Variants in MGAM2 observed in about 807,000 individuals in gnomAD.
The protein encoded by MGAM2 is probable maltase-glucoamylase 2.
A neutral mutation model predicts 96.1 loss-of-function variants in MGAM2; 98 were observed. The ratio of observed to expected loss-of-function variants is 1.02; its 90% confidence interval spans 0.87 to 1.21. The LOEUF (loss-of-function observed/expected upper bound fraction) is 1.21. Ranked by LOEUF, MGAM2 falls within the 50% of genes most tolerant of loss-of-function variation. The probability of loss-of-function intolerance (pLI) is 0.00; values close to 1 mark genes in which losing one functional copy is unlikely to be tolerated. For synonymous variants in MGAM2, 749 were observed against 414.8 expected, an observed-to-expected ratio of 1.81 and a Z score of -9.79; for missense variants, 2,055 against 1,182.4, an observed-to-expected ratio of 1.74 and a Z score of -10.82.
chr7:142,208,952 T>G (rs1416466211), intron 46 of MGAM2, among the ~76,000 whole-genome samples: 1 of 152,222 alleles, frequency 6.6e-6, no homozygotes, highest in African/African-American at 2.4e-5. Flanking sequence ...AGCTACTTAT[T>G]ATGCAATAAT....
chr7:142,146,140 ATG>A (rs777304929), intron 14 of MGAM2, among the ~76,000 whole-genome samples: 1 of 56,320 alleles, frequency 1.8e-5, no homozygotes, highest in East Asian at 5.8e-4. Context: ...TTAGTTTATC[ATG>A]TTTTTTTTTT....
chr7:142,205,051 G>A (rs929452025), intron 45 of MGAM2, among the ~76,000 whole-genome samples: 3 of 152,006 alleles, frequency 2.0e-5, no homozygotes, highest in African/African-American at 7.2e-5. Context: ...TTTAATCAGG[G>A]GTTTGCTAGG....
At chr7:142,217,133 A>G (rs958407851) in intron 46 of MGAM2, among the ~76,000 whole-genome samples, 5 of 152,186 alleles carry the variant, frequency 3.3e-5, no homozygotes, top group African/African-American at 7.2e-5. Flanking sequence ...CATCCATGAA[A>G]AATATCCACT....
chr7:142,116,747 T>C (rs187770322), intron 1 of MGAM2, 127 bp from the exon 2 acceptor site: 59 of 647,992 alleles, frequency 9.1e-5, no homozygotes, highest in Non-Finnish European at 3.3e-5. Flanking sequence ...TTAGATTATG[T>C]AAAGAGGATG....
intron 10 of MGAM2, 62 bp downstream of exon 10, chr7:142,138,729 A>T: frequency 1.5e-6 from 1 of 661,204 alleles, no homozygotes; most frequent in South Asian, 1.6e-5. Context: ...TTTTTGCATT[A>T]AATTCAATGT....
At position 142,166,133 on chromosome 7, in the gene MGAM2, G is replaced by A. The variant is rs1796020451; in HGVS notation, c.2688G>A (p.Leu896=). Residue 896 remains leucine (L), a synonymous_variant, in exon 25 of 48, where the codon CTG becomes CTA. Coordinates refer to ENST00000477922, the MANE Select transcript of MGAM2 (RefSeq NM_001293626.2). ...VTITDLQGLV[L]GQEFSIRWNL... is the part of the protein sequence containing the mutation. Reference sequence around the variant, plus strand: ...TCACTGATCTCCAAGGACTGGTACTGGGACAAGAATTCTCTATTAGGTGGA... The same window carrying A: ...TCACTGATCTCCAAGGACTGGTACTAGGACAAGAATTCTCTATTAGGTGGA... The A allele has an allele frequency of 1.4e-6, 1 of 701,826 alleles. No individual in the cohort carries two copies. Among genetic ancestry groups the A allele is most frequent in the African/African-American group, 1.7e-5 (1 of 57,186 alleles). 43.5% of individuals were successfully genotyped at this position (701,826 alleles called of 1,614,324 possible).
At chr7:142,210,347 G>T (rs770635521) in intron 46 of MGAM2, among the ~76,000 whole-genome samples, 7 of 151,702 alleles carry the variant, frequency 4.6e-5, no homozygotes, top group Non-Finnish European at 8.8e-5. Context: ...CAGTGAGACA[G>T]AACCATTCAC....
At chr7:142,116,374 G>A (rs1168634291) in intron 1 of MGAM2, among the ~76,000 whole-genome samples, 1 of 152,170 alleles carries the variant, frequency 6.6e-6, no homozygotes, top group Admixed American at 6.6e-5. Context: ...ATCCTTGAGA[G>A]TGTCAGTGAC....
rs776923950 is a variant in MGAM2, at chr7:142,154,002, A to G, written c.1635-16A>G. 2 of 635,390 alleles carry G rather than the reference A, an allele frequency of 3.1e-6. No homozygotes were observed. Among genetic ancestry groups the G allele is most frequent in the South Asian group, 1.8e-5 (1 of 56,960 alleles). 39.4% of individuals were successfully genotyped at this position (635,390 alleles called of 1,614,324 possible). A position where few individuals can be genotyped will look rare whatever the true frequency, so the allele number is the denominator to read the frequency against. On this transcript the variant is annotated splice_polypyrimidine_tract_variant and intron_variant, in intron 15 of 47. Transcript: ENST00000477922. ...CACAGCCCACCTCACACTCCACTGGATGTATTCCTTTCCAGAGCCCTGGAG... is the reference window on the plus strand; with the variant it reads ...CACAGCCCACCTCACACTCCACTGGGTGTATTCCTTTCCAGAGCCCTGGAG...
chr7:142,215,487 G>T (rs971031677), intron 46 of MGAM2, among the ~76,000 whole-genome samples: 1 of 151,742 alleles, frequency 6.6e-6, no homozygotes, highest in Non-Finnish European at 1.5e-5. Flanking sequence ...TTGGCTGAGC[G>T]TGGTGGCTCA....
chr7:142,147,377 A>C (rs1008480450), intron 14 of MGAM2, 79 bp from the exon 15 acceptor site: 1 of 638,814 alleles, frequency 1.6e-6, no homozygotes, highest in Admixed American at 2.3e-5. Flanking sequence ...TACAGTAATC[A>C]GGAAGAAAAT....
chr7:142,197,457 G>C lies in MGAM2; in HGVS notation c.4690G>C (p.Glu1564Gln). Reference sequence around the variant, plus strand: ...TGAGATGTTGTCCAGAAAAGTCCTAGAGACCAGATATACCCTGCTTCCTTA... The same window carrying C: ...TGAGATGTTGTCCAGAAAAGTCCTACAGACCAGATATACCCTGCTTCCTTA... ...TFEMLSRKVL[E>Q]TRYTLLPYLY... is the part of the protein sequence containing the mutation. The change falls in exon 41 of 48, where the codon GAG becomes CAG. Residue 1564 changes from glutamate to glutamine, a missense_variant. Glu to Gln is a conservative substitution (Grantham distance 29). Coordinates refer to ENST00000477922, the MANE Select transcript of MGAM2 (RefSeq NM_001293626.2). 1 of 702,986 alleles carries C rather than the reference G, an allele frequency of 1.4e-6. No homozygotes were observed. Among genetic ancestry groups the C allele is most frequent in the South Asian group, 1.5e-5 (1 of 67,598 alleles). 43.5% of individuals were successfully genotyped at this position (702,986 alleles called of 1,614,324 possible).
chr7:142,211,513 G>C (rs1168810608), intron 46 of MGAM2, among the ~76,000 whole-genome samples: 2 of 152,162 alleles, frequency 1.3e-5, no homozygotes, highest in Non-Finnish European at 2.9e-5. Flanking sequence ...TGATGGAGCT[G>C]AAAAATATAG....
In MGAM2 at chr7:142,201,047, A is replaced by C. The variant is rs1031002582; in HGVS notation, c.5137+1079A>C. Reference sequence around the variant, plus strand: ...TATGTACAGGTTGGTTTTAATTTTCATTGTTATAAATAACATCCTTTTTCT... The same window carrying C: ...TATGTACAGGTTGGTTTTAATTTTCCTTGTTATAAATAACATCCTTTTTCT... On this transcript the variant is annotated intron_variant, in intron 45 of 47. Transcript: ENST00000477922. Among the ~76,000 whole-genome samples the C allele has an allele frequency of 5.0e-5, 5 of 100,998 alleles. No individual in the cohort carries two copies. The East Asian group carries it at 1.4e-3, about 28-fold the overall frequency. 66.3% of individuals were successfully genotyped at this position (100,998 alleles called of 152,430 possible).
At chr7:142,119,840 T>A (rs1041233379) in intron 2 of MGAM2, among the ~76,000 whole-genome samples, 5 of 152,162 alleles carry the variant, frequency 3.3e-5, no homozygotes, top group African/African-American at 9.7e-5. Context: ...ATAGGAAATG[T>A]TCAGAATAGG....
At position 142,132,037 on chromosome 7, in the gene MGAM2, A is replaced by G. The variant is rs1485261327; in HGVS notation, c.527A>G (p.Asp176Gly). The G allele has an allele frequency of 2.8e-6, 2 of 703,112 alleles. No homozygotes were observed. The highest frequency in any genetic ancestry group is 1.5e-5 in the South Asian group (1 of 67,592). The allele number at this position is 703,112 out of a possible 1,614,324, so 43.6% of individuals were successfully genotyped here. Residue 176 changes from aspartate to glycine, a missense_variant, in exon 6 of 48, where the codon GAT (aspartate) becomes GGT (glycine). Coordinates refer to ENST00000477922, the MANE Select transcript of MGAM2 (RefSeq NM_001293626.2). ...SNLSYYVEVT[D>G]KPFSIKIMRT... ...TTGAGCTATTACGTGGAGGTTACTG[A>G]TAAACCTTTCAGCATCAAAATAATG...
At chr7:142,145,045 A>G in intron 14 of MGAM2, 100 bp downstream of exon 14, 1 of 643,140 alleles carries the variant, frequency 1.6e-6, no homozygotes, top group Non-Finnish European at 2.8e-6. Context: ...TTCCTAGTCC[A>G]AGGGGTCTCC....
chr7:142,133,144 T>C (rs1315263429), intron 6 of MGAM2, among the ~76,000 whole-genome samples: 2 of 139,704 alleles, frequency 1.4e-5, no homozygotes, highest in Non-Finnish European at 3.0e-5. Context: ...TTAATAAATG[T>C]TAATTTATAT....
chr7:142,152,752 T>C (rs1416964038), intron 15 of MGAM2, among the ~76,000 whole-genome samples: 1 of 152,202 alleles, frequency 6.6e-6, no homozygotes, highest in African/African-American at 2.4e-5. Flanking sequence ...CTTACTGTCC[T>C]TTAATTGTAT....
Sources: gnomAD v4.1 joint callset for allele counts (sites outside exome capture counted in the v4.1 genomes callset) on GRCh38, gnomAD v4.1.1 for gene constraint, MANE v1.5 for transcripts, NCBI Gene and HGNC (gene_info 2026-07-23, HGNC 2026-07-21) for gene names.